The following GLI4 variants were observed in gnomAD, a reference collection of about 807,000 sequenced individuals.
GLI4 encodes zinc finger protein GLI4.
In GLI4, 34 loss-of-function variants were observed where a neutral mutation model predicts 30.9. The ratio of observed to expected loss-of-function variants is 1.10; its 90% CI spans 0.84 to 1.47. The LOEUF is 1.47. GLI4 is among the 40% of genes most tolerant of loss of function. GLI4 has a pLI of 0.00. For synonymous variants in GLI4, 277 were observed against 236.7 expected, an observed-to-expected ratio of 1.17 and a Z score of -1.56; for missense variants, 696 against 538.9, an observed-to-expected ratio of 1.29 and a Z score of -2.89.
chr8:143,269,451 C>A lies in GLI4; in HGVS notation c.55C>A (p.Leu19Ile), dbSNP rs1298725597. Residue 19 changes from leucine to isoleucine, a missense_variant, in exon 2 of 4, where the codon CTC (leucine) becomes ATC (isoleucine). Coordinates refer to ENST00000340042, the MANE Select transcript of GLI4 (RefSeq NM_138465.4). ...CCCTTCTGTCCCGTCCCCTGTCAGTCTCTCATCACCGGGGACACCTGGAAC... is the reference window on the plus strand; with the variant it reads ...CCCTTCTGTCCCGTCCCCTGTCAGTATCTCATCACCGGGGACACCTGGAAC... ...ESPSVPSPVS[L>I]SSPGTPGTQH... 6.2e-7 allele frequency: 1 copy of A among 1,609,104 alleles called. No homozygotes were observed. The highest frequency in any genetic ancestry group is 1.1e-5 in the South Asian group (1 of 90,974).
rs994239374 is a variant in GLI4 at position 143,267,480 on chromosome 8, G to A, written c.-42G>A. The A allele has an allele frequency of 6.1e-5, 60 of 985,968 alleles. No homozygotes were observed. Among genetic ancestry groups the A allele is most frequent in the Non-Finnish European group, 6.9e-5 (57 of 830,438 alleles). 61.1% of individuals were successfully genotyped at this position (985,968 alleles called of 1,614,324 possible). A position where few individuals can be genotyped will look rare whatever the true frequency, so the allele number is the denominator to read the frequency against. On this transcript the variant is annotated 5_prime_UTR_variant, in exon 1 of 4. Coordinates refer to ENST00000340042, the MANE Select transcript of GLI4 (RefSeq NM_138465.4). ...GGCGCGCGGCGTCCTCCTCCCGCTC[G>A]GAAGGTGAGTGGGCGCGGGCGGCGG...
At chr8:143,267,583 G>T in intron 1 of GLI4, 99 bp downstream of exon 1, 1 of 985,422 alleles carries the variant, frequency 1.0e-6, no homozygotes, top group Non-Finnish European at 1.2e-6. Context: ...GCCCAGCCGG[G>T]CCGTGCGGCC....
chr8:143,276,179 TCGGTCGGA>T lies in GLI4; in HGVS notation c.507_514del (p.Phe169LeufsTer24), dbSNP rs1206591779. On this transcript the variant is annotated frameshift_variant, in exon 4 of 4. Coordinates refer to ENST00000340042, the MANE Select transcript of GLI4 (RefSeq NM_138465.4). LOFTEE classifies it high-confidence loss of function. Reference sequence around the variant, plus strand: ...CGGGCTGCCGAGCTGGGAGTCAACTTCGGTCGGAGCCGGCAGGGCAGCGCGCGGGGGGC... The same window carrying T: ...CGGGCTGCCGAGCTGGGAGTCAACTTGCCGGCAGGGCAGCGCGCGGGGGGC... The T allele has an allele frequency of 6.4e-7, 1 of 1,556,812 alleles. No homozygotes were observed. Among genetic ancestry groups the T allele is most frequent in the Non-Finnish European group, 8.7e-7 (1 of 1,151,010 alleles).
Position 143,276,356 on chromosome 8 carries a change from A to T in GLI4, c.683A>T (p.Gln228Leu). The change falls in exon 4 of 4, where the codon CAG (glutamine) becomes CTG (leucine). Residue 228 changes from glutamine (Q) to leucine (L), a missense_variant. By Grantham distance (113) the Gln-to-Leu change is moderately radical. Transcript: ENST00000340042. Reference sequence around the variant, plus strand: ...TTCCGCGGCTGGTCGGGCTTCATCCAGCACCACCGCATCCACACGGGCGAG... The same window carrying T: ...TTCCGCGGCTGGTCGGGCTTCATCCTGCACCACCGCATCCACACGGGCGAG... The part of the protein sequence containing the change: ...KRFRGWSGFI[Q>L]HHRIHTGEKP... The T allele has an allele frequency of 6.2e-7, 1 of 1,608,684 alleles. No individual in the cohort carries two copies. The highest frequency in any genetic ancestry group is 8.5e-7 in the Non-Finnish European group (1 of 1,178,426).
rs375764315 is a variant in GLI4 at position 143,276,768 on chromosome 8, G to A, written c.1095G>A (p.Gln365=). Residue 365 remains glutamine, a synonymous_variant, in exon 4 of 4, where the codon CAG becomes CAA. Coordinates refer to ENST00000340042, the MANE Select transcript of GLI4 (RefSeq NM_138465.4). ...ACGKAFGQSS[Q]LIQHQRVHYR... ...GCAAGGCCTTCGGCCAGAGCTCCCA[G>A]CTCATCCAGCACCAGCGGGTGCACT... The A allele has an allele frequency of 1.3e-6, 2 of 1,598,408 alleles. No individual in the cohort carries two copies. The highest frequency in any genetic ancestry group is 1.7e-6 in the Non-Finnish European group (2 of 1,173,236).
intron 3 of GLI4, 59 bp downstream of exon 3, chr8:143,274,861 A>T (rs1815350025): frequency 1.3e-6 from 2 of 1,514,750 alleles, no homozygotes. Context: ...CAGGCTCCTC[A>T]CAATGCCCAC....
In GLI4 at chr8:143,275,848, A is replaced by G; in HGVS notation, c.224-49A>G. 4.8e-6 allele frequency: 6 copies of G among 1,255,562 alleles called. No individual in the cohort carries two copies. In the South Asian group the frequency reaches 1.3e-4, roughly 28 times the overall value. The allele number at this position is 1,255,562 out of a possible 1,614,324, so 77.8% of individuals were successfully genotyped here. On this transcript the variant is annotated intron_variant, in intron 3 of 3. Transcript: ENST00000340042. ...CTCCCCGTCCCCGTCCCTCCGTGCCACGGTGGGGGCATGCGGGTACTATCC... is the reference window on the plus strand; with the variant it reads ...CTCCCCGTCCCCGTCCCTCCGTGCCGCGGTGGGGGCATGCGGGTACTATCC...
intron 2 of GLI4, among the ~76,000 whole-genome samples, chr8:143,274,118 C>T (rs1268639963): frequency 6.6e-6 from 1 of 152,088 alleles, no homozygotes; most frequent in Non-Finnish European, 1.5e-5. Context: ...GGGTGAGGGG[C>T]TCATAGATGG....
chr8:143,267,604 C>G (rs966437834), intron 1 of GLI4, 120 bp downstream of exon 1: 83 of 985,344 alleles, frequency 8.4e-5, no homozygotes, highest in African/African-American at 4.4e-4. Flanking sequence ...CTTGCAGCCG[C>G]CGCTCGCCGT....
intron 2 of GLI4, 32 bp from the exon 3 acceptor site, chr8:143,274,672 T>C: frequency 6.5e-7 from 1 of 1,530,086 alleles, no homozygotes; most frequent in Non-Finnish European, 8.8e-7. Flanking sequence ...GTCCAGAGGG[T>C]GGAGGTGAGC....
chr8:143,275,199 C>T lies in GLI4; in HGVS notation c.223+397C>T, dbSNP rs58198736. Reference sequence around the variant, plus strand: ...TCCTCCTCCTGCATCCCCTAGATGGCCTCCCCTCAGCCTGGTTGGAGCTGT... The same window carrying T: ...TCCTCCTCCTGCATCCCCTAGATGGTCTCCCCTCAGCCTGGTTGGAGCTGT... On this transcript the variant is annotated intron_variant, in intron 3 of 3. Transcript: ENST00000340042. 6.2e-3 allele frequency: 9,559 copies of T among 1,535,454 alleles called. 522 individuals are homozygous for T. In the African/African-American group the frequency reaches 0.12, roughly 19 times the overall value.
Position 143,275,857 on chromosome 8 carries a change from G to A in GLI4, c.224-40G>A, listed in dbSNP as rs1586729910. On this transcript the variant is annotated intron_variant, in intron 3 of 3. Coordinates refer to ENST00000340042, the MANE Select transcript of GLI4 (RefSeq NM_138465.4). ...CCCGTCCCTCCGTGCCACGGTGGGG[G>A]CATGCGGGTACTATCCGCCTCTGCC... is the stretch of plus-strand genomic sequence containing the variant. The A allele has an allele frequency of 3.2e-6, 4 of 1,259,382 alleles. No individual in the cohort carries two copies. In the East Asian group the frequency reaches 1.3e-4, roughly 40 times the overall value. 78.0% of individuals were successfully genotyped at this position (1,259,382 alleles called of 1,614,324 possible). A position where few individuals can be genotyped will look rare whatever the true frequency, so the allele number is the denominator to read the frequency against.
chr8:143,268,535 A>C (rs1275332779), intron 1 of GLI4, among the ~76,000 whole-genome samples: 2 of 152,164 alleles, frequency 1.3e-5, no homozygotes, highest in Non-Finnish European at 2.9e-5. Flanking sequence ...GGTCTGAGGA[A>C]GAGAGTTGCC....
rs780120474 is a variant in GLI4, at chr8:143,276,148, C to T, written c.475C>T (p.Pro159Ser). The T allele has an allele frequency of 2.1e-5, 33 of 1,545,954 alleles. No individual in the cohort carries two copies. Among genetic ancestry groups the T allele is most frequent in the Non-Finnish European group, 2.9e-5 (33 of 1,145,674 alleles). ...QQAAAGPEGA[P>S]ERAAELGVNF... Reference sequence around the variant, plus strand: ...AGCAGCGGCCGGGCCCGAGGGTGCGCCCGAGCGGGCTGCCGAGCTGGGAGT... The same window carrying T: ...AGCAGCGGCCGGGCCCGAGGGTGCGTCCGAGCGGGCTGCCGAGCTGGGAGT... The change falls in exon 4 of 4, where the codon CCC (proline) becomes TCC (serine). Residue 159 changes from proline (P) to serine (S), a missense_variant. Coordinates refer to ENST00000340042, the MANE Select transcript of GLI4 (RefSeq NM_138465.4).
rs771497119 is a variant in GLI4 at position 143,275,927 on chromosome 8, G to T, written c.254G>T (p.Arg85Leu). The T allele has an allele frequency of 3.0e-6, 4 of 1,319,340 alleles. No homozygotes were observed. The African/African-American group carries it at 4.6e-5, about 15-fold the overall frequency. The allele number at this position is 1,319,340 out of a possible 1,614,324, so 81.7% of individuals were successfully genotyped here. ...DSEPKPEQAP[R>L]SPGSQAPDEG... ...GAGCCCAAGCCGGAGCAGGCTCCAC[G>T]CTCTCCTGGCTCTCAGGCCCCTGAC... The change falls in exon 4 of 4, where the codon CGC becomes CTC. Residue 85 changes from arginine (R) to leucine (L), a missense_variant. Physicochemically the swap from Arg to Leu is moderately radical, Grantham distance 102. Coordinates refer to ENST00000340042, the MANE Select transcript of GLI4 (RefSeq NM_138465.4).
intron 2 of GLI4, chr8:143,273,249 G>T (rs4455845): frequency 0.41 from 61,975 of 152,096 alleles, 15,166 homozygotes; most frequent in East Asian, 0.69. Context: ...GCTGCCAGGG[G>T]ATGGTGACAT....
Position 143,267,531 on chromosome 8 carries a change from G to A in GLI4, c.-38+47G>A, listed in dbSNP as rs934186404. ...CGGCGGCTCCGGGTGCCTGGGACCA[G>A]CCCAGTCCGAGCTCGTGCGCCGTAC... On this transcript the variant is annotated intron_variant, in intron 1 of 3. Transcript: ENST00000340042. The A allele has an allele frequency of 1.0e-5, 10 of 985,918 alleles. No homozygotes were observed. In the African/African-American group the frequency reaches 1.6e-4, roughly 16 times the overall value. 61.1% of individuals were successfully genotyped at this position (985,918 alleles called of 1,614,324 possible).
chr8:143,276,474 C>G lies in GLI4; in HGVS notation c.801C>G (p.Tyr267Ter). 6.2e-7 allele frequency: 1 copy of G among 1,613,136 alleles called. No homozygotes were observed. Residue 267 changes from tyrosine (Y) to a stop codon, truncating the protein, a stop_gained, in exon 4 of 4, where the codon TAC becomes TAG. Transcript: ENST00000340042. LOFTEE classifies it high-confidence loss of function. ...HLRIHNGEKPYKCGECGQAFS... is the reference protein window; with the variant it reads ...HLRIHNGEKP Reference sequence around the variant, plus strand: ...GCATCCACAACGGCGAGAAGCCCTACAAGTGCGGCGAGTGCGGCCAGGCCT... The same window carrying G: ...GCATCCACAACGGCGAGAAGCCCTAGAAGTGCGGCGAGTGCGGCCAGGCCT...
chr8:143,274,519 G>T, intron 2 of GLI4, 185 bp from the exon 3 acceptor site: 1 of 469,326 alleles, frequency 2.1e-6, no homozygotes, highest in Non-Finnish European at 3.6e-6. Flanking sequence ...CTTGAACCGA[G>T]CTGGGAAGGA....
Sources: allele counts gnomAD v4.1 joint callset (sites outside exome capture counted in the v4.1 genomes callset), GRCh38; gene constraint gnomAD v4.1.1; transcripts MANE v1.5; gene names NCBI Gene and HGNC (gene_info 2026-07-23, HGNC 2026-07-21).